Variants in CUX1 observed in about 807,000 individuals in gnomAD.
CUX1 encodes cut like homeobox 1.
Under a neutral mutation model 158.8 loss-of-function variants are expected in CUX1, and 31 were observed. The ratio of observed to expected loss-of-function variants is 0.20; its 90% CI spans 0.15 to 0.26. The LOEUF is 0.26. Ranked by LOEUF, CUX1 falls within the 10% of genes least tolerant of loss-of-function variation. The pLI is 1.00. For synonymous variants in CUX1, 879 were observed against 862.1 expected, an observed-to-expected ratio of 1.02 and a Z score of -0.34; for missense variants, 1,589 against 2,014.6, an observed-to-expected ratio of 0.79 and a Z score of 4.04.
At chr7:102,178,283 G>A (rs1792618463) in intron 10 of CUX1, among the ~76,000 whole-genome samples, 186 bp from the exon 11 acceptor site, 1 of 152,192 alleles carries the variant, frequency 6.6e-6, no homozygotes, top group Admixed American at 6.5e-5. Context: ...GAATCGAGGT[G>A]GCAGCTAACC....
At chr7:101,875,956 C>T (rs1204658016) in intron 1 of CUX1, among the ~76,000 whole-genome samples, 1 of 152,100 alleles carries the variant, frequency 6.6e-6, no homozygotes, top group Non-Finnish European at 1.5e-5. Flanking sequence ...AATCCTATGA[C>T]TGCCGATGGT....
chr7:102,279,333 T>C lies in CUX1; in HGVS notation c.1681-704T>C, dbSNP rs143338512. On this transcript the variant is annotated intron_variant, in intron 18 of 22. Coordinates refer to the CUX1 transcript ENST00000292538. The stretch of plus-strand genomic sequence containing the variant: ...TCCAGCCTGGGCGACAGAGCGAAAC[T>C]CTGTCTCAAATAAATAAATAAGCAA... 2.6e-3 allele frequency among the ~76,000 whole-genome samples: 393 copies of C among 152,240 alleles called. 1 individual carries two copies. Among genetic ancestry groups the C allele is most frequent in the African/African-American group, 8.8e-3 (365 of 41,536 alleles).
intron 3 of CUX1, among the ~76,000 whole-genome samples, chr7:102,051,065 G>A (rs1435391169): frequency 2.0e-5 from 3 of 152,048 alleles, no homozygotes; most frequent in African/African-American, 4.8e-5. Context: ...CACCCCGGGC[G>A]TGGTCCCTTG....
At chr7:101,927,978 G>A (rs1805808728) in intron 2 of CUX1, among the ~76,000 whole-genome samples, 2 of 152,172 alleles carry the variant, frequency 1.3e-5, no homozygotes. Flanking sequence ...TTGCTGAAAC[G>A]TCAACAAGGC....
At chr7:101,894,564 G>A (rs1056285997) in intron 1 of CUX1, among the ~76,000 whole-genome samples, 11 of 152,020 alleles carry the variant, frequency 7.2e-5, no homozygotes, top group Non-Finnish European at 1.6e-4. Context: ...CACCCGCCTC[G>A]GCCTCCCAAA....
chr7:101,888,717 G>A (rs148372100), intron 1 of CUX1, among the ~76,000 whole-genome samples: 2,436 of 152,134 alleles, frequency 0.016, 38 homozygotes, highest in Non-Finnish European at 0.019. Context: ...AGCCTCCTGA[G>A]TAGCTGAGAT....
rs1637257 is a variant in CUX1, at chr7:102,097,326, T to G, written c.269-38T>G. The G allele has an allele frequency of 0.56, 888,430 of 1,577,430 alleles. 261,007 individuals are homozygous for G. Among genetic ancestry groups the G allele is most frequent in the African/African-American group, 0.8 (58,293 of 72,934 alleles). On this transcript the variant is annotated intron_variant, in intron 4 of 23. Transcript: ENST00000292535. ...ACCGCCGTGGAGGGGGCCTGTTTGC[T>G]GGCCGAGTGGGGTGATGGCTGTTTT... is the stretch of plus-strand genomic sequence containing the variant.
chr7:102,001,589 C>T (rs572531801), intron 2 of CUX1, among the ~76,000 whole-genome samples: 3 of 152,192 alleles, frequency 2.0e-5, no homozygotes, highest in East Asian at 1.9e-4. Flanking sequence ...GGTGATCCAC[C>T]GCCTCAGCCT....
intron 3 of CUX1, among the ~76,000 whole-genome samples, chr7:102,045,011 G>T (rs1362126906): frequency 1.3e-5 from 2 of 152,158 alleles, no homozygotes; most frequent in Admixed American, 6.5e-5. Context: ...GGTGACAGTG[G>T]TGTTAGCCGT....
intron 4 of CUX1, among the ~76,000 whole-genome samples, chr7:102,077,666 C>T (rs1326489164): frequency 1.3e-5 from 2 of 152,062 alleles, no homozygotes; most frequent in African/African-American, 2.4e-5. Context: ...CAGCTTCTGT[C>T]CCTTACTGTA....
chr7:102,040,336 A>G (rs1245357139), intron 3 of CUX1, among the ~76,000 whole-genome samples: 2 of 152,188 alleles, frequency 1.3e-5, no homozygotes, highest in Admixed American at 6.6e-5. Flanking sequence ...GAGCTGGGAA[A>G]GAGCAGCAGG....
chr7:102,073,370 G>A (rs1033898471), intron 4 of CUX1, among the ~76,000 whole-genome samples: 19 of 151,264 alleles, frequency 1.3e-4, no homozygotes, highest in Non-Finnish European at 2.5e-4. Flanking sequence ...ACGGGGTTTC[G>A]CCATGTTGGC....
Position 102,200,079 on chromosome 7 carries a change from A to G in CUX1, c.1969A>G (p.Thr657Ala). Residue 657 changes from threonine (T) to alanine (A), a missense_variant, in exon 17 of 24, where the codon ACC becomes GCC. Coordinates refer to ENST00000292535, the MANE Select transcript of CUX1 (RefSeq NM_181552.4). Reference sequence around the variant, plus strand: ...GCAACTTCTCCCCACAGGTAACATCACCACCCGGATCCGAGCCTCGGAGAC... The same window carrying G: ...GCAACTTCTCCCCACAGGTAACATCGCCACCCGGATCCGAGCCTCGGAGAC... ...KRRNGSEGNITTRIRASETGS... is the reference protein window; with the variant it reads ...KRRNGSEGNIATRIRASETGS... 3.7e-6 allele frequency: 6 copies of G among 1,611,168 alleles called. No homozygotes were observed. Among genetic ancestry groups the G allele is most frequent in the South Asian group, 1.1e-5 (1 of 90,562 alleles).
At chr7:102,122,770 A>G (rs781989439) in intron 8 of CUX1, among the ~76,000 whole-genome samples, 5 of 152,128 alleles carry the variant, frequency 3.3e-5, no homozygotes, top group Non-Finnish European at 7.3e-5. Flanking sequence ...GAATTGCCAA[A>G]CTTTACTCCT....
intron 3 of CUX1, among the ~76,000 whole-genome samples, chr7:102,066,526 G>A (rs988965517): frequency 6.6e-6 from 1 of 152,142 alleles, no homozygotes; most frequent in South Asian, 2.1e-4. Context: ...CAGAGTTCAG[G>A]ATCCTTCCAG....
chr7:102,127,475 G>C (rs1320032402), intron 8 of CUX1, among the ~76,000 whole-genome samples: 2 of 152,194 alleles, frequency 1.3e-5, no homozygotes, highest in Non-Finnish European at 2.9e-5. Flanking sequence ...AAAGTGCTGA[G>C]TGGGATTATA....
At chr7:102,187,315 T>C (rs1341271901) in intron 11 of CUX1, among the ~76,000 whole-genome samples, 1 of 151,898 alleles carries the variant, frequency 6.6e-6, no homozygotes, top group African/African-American at 2.4e-5. Flanking sequence ...GGCAACATAG[T>C]GTGACCTCGT....
At chr7:102,092,912 CAAAAAAA>C (rs60587564) in intron 4 of CUX1, among the ~76,000 whole-genome samples, 4 of 74,956 alleles carry the variant, frequency 5.3e-5, no homozygotes, top group Admixed American at 1.6e-4. Flanking sequence ...GACTCCGTCT[CAAAAAAA>C]AAAAAAAAAA....
chr7:102,017,386 T>C (rs961353588), intron 2 of CUX1, among the ~76,000 whole-genome samples: 18 of 151,716 alleles, frequency 1.2e-4, no homozygotes, highest in African/African-American at 4.4e-4. Flanking sequence ...GCCCCGAACC[T>C]AGCACCATCC....
Sources: allele counts gnomAD v4.1 joint callset (sites outside exome capture counted in the v4.1 genomes callset), GRCh38; gene constraint gnomAD v4.1.1; transcripts MANE v1.5; gene names NCBI Gene and HGNC (gene_info 2026-07-23, HGNC 2026-07-21).